The following PPARA variants were observed in gnomAD, a reference collection of about 807,000 sequenced individuals.
The protein encoded by PPARA is peroxisome proliferator-activated receptor alpha.
Under a neutral mutation model 42.2 loss-of-function variants are expected in PPARA, and 22 were observed. That is an observed-to-expected ratio of 0.52 (90% CI 0.37 to 0.74). The LOEUF (loss-of-function observed/expected upper bound fraction) is 0.74. Among genes scored for constraint, PPARA ranks in the 30% least tolerant of loss-of-function variants. The pLI, the probability that PPARA is intolerant of heterozygous loss-of-function variation, is 0.00. For synonymous variants in PPARA, 242 were observed against 239.3 expected (o/e 1.01, Z -0.10); for missense variants, 465 against 608.2 (o/e 0.76, Z 2.48).
chr22:46,235,249 C>G lies in PPARA; in HGVS notation c.1276C>G (p.Leu426Val). Residue 426 changes from leucine (L) to valine (V), a missense_variant, in exon 9 of 9, where the codon CTT becomes GTT. By Grantham distance (32) the Leu-to-Val change is conservative (BLOSUM62 1). Around this residue, in one of 2 missense-constraint regions of PPARA, gnomAD observed 313 missense variants for 469.1 expected, o/e 0.67. Transcript: ENST00000407236. This position sits in a 1 kb window ranked among gnomAD's most constrained non-coding sequence, Gnocchi z 7.0. The stretch of plus-strand genomic sequence containing the variant: ...GGACGATATCTTTCTCTTCCCAAAA[C>G]TTCTTCAAAAAATGGCAGACCTCCG... Reference protein sequence around the residue: ...HPDDIFLFPKLLQKMADLRQL... With the variant: ...HPDDIFLFPKVLQKMADLRQL... 1 of 1,614,116 alleles carries G rather than the reference C, an allele frequency of 6.2e-7. No individual in the cohort carries two copies. Among genetic ancestry groups the G allele is most frequent in the Middle Eastern group, 1.6e-4 (1 of 6,062 alleles).
At position 46,235,414 on chromosome 22, in the gene PPARA, T is replaced by C; in HGVS notation, c.*34T>C. ...AGATCAGCCACACCTTTTCCAGGAGTTCTGAAGCTGACAGCACTACAAAGG... is the reference window on the plus strand; with the variant it reads ...AGATCAGCCACACCTTTTCCAGGAGCTCTGAAGCTGACAGCACTACAAAGG... On this transcript the variant is annotated 3_prime_UTR_variant, in exon 9 of 9. Coordinates refer to ENST00000407236, the MANE Select transcript of PPARA (RefSeq NM_005036.6). The surrounding 1 kb of genome is among the most constrained non-coding windows in gnomAD (Gnocchi z 7.0). 1.2e-6 allele frequency: 2 copies of C among 1,609,502 alleles called. No homozygotes were observed. The highest frequency in any genetic ancestry group is 1.7e-6 in the Non-Finnish European group (2 of 1,178,602).
chr22:46,183,137 C>T lies in PPARA; in HGVS notation c.-43+6301C>T, dbSNP rs946243642. ...TGAAATCCTCATCTGAGGACCCACA[C>T]TCGGGTGCCCCAATGTGGCGGTGCT... On this transcript the variant is annotated intron_variant, in intron 3 of 8. Coordinates refer to ENST00000407236, the MANE Select transcript of PPARA (RefSeq NM_005036.6). The surrounding 1 kb of genome is among the most constrained non-coding windows in gnomAD (Gnocchi z 5.5). Among the ~76,000 whole-genome samples the T allele has an allele frequency of 4.6e-5, 7 of 152,210 alleles. No individual in the cohort carries two copies. The highest frequency in any genetic ancestry group is 4.6e-4 in the Admixed American group (7 of 15,284).
Position 46,190,830 on chromosome 22 carries a change from A to T in PPARA, c.-42-7512A>T, listed in dbSNP as rs1647018351. 6.6e-6 allele frequency among the ~76,000 whole-genome samples: 1 copy of T among 152,226 alleles called. No homozygotes were observed. The highest frequency in any genetic ancestry group is 6.5e-5 in the Admixed American group (1 of 15,278). On this transcript the variant is annotated intron_variant, in intron 3 of 8. Coordinates refer to ENST00000407236, the MANE Select transcript of PPARA (RefSeq NM_005036.6). The surrounding 1 kb of genome is among the most constrained non-coding windows in gnomAD (Gnocchi z 5.6). Reference sequence around the variant, plus strand: ...TCTTGAGTGTCTGATCACATAGAATATAAAGATGTTTTGATAGTTGGGACA... The same window carrying T: ...TCTTGAGTGTCTGATCACATAGAATTTAAAGATGTTTTGATAGTTGGGACA...
In PPARA at chr22:46,242,401, C is replaced by T. The variant is rs1055659; in HGVS notation, c.*7021C>T. ...TTTTAAGGCACAGTCAGTTCCTTTT[C>T]TCATGTACCTCACAAAAGATGAAGA... On this transcript the variant is annotated 3_prime_UTR_variant, in exon 9 of 9. Transcript: ENST00000407236. This position sits in a 1 kb window ranked among gnomAD's most constrained non-coding sequence, Gnocchi z 6.1. 34,277 of 152,528 alleles carry T rather than the reference C, an allele frequency of 0.22. 4,790 individuals carry two copies. Among genetic ancestry groups the T allele is most frequent in the African/African-American group, 0.39 (15,965 of 41,446 alleles). The allele number at this position is 152,528 out of a possible 1,614,324, so 9.4% of individuals were successfully genotyped here.
At chr22:46,205,555 T>TATATATA (rs1491143261) in intron 4 of PPARA, among the ~76,000 whole-genome samples, 1 of 13,396 alleles carries the variant, frequency 7.5e-5, no homozygotes, top group African/African-American at 2.8e-4. Flanking sequence ...TATATATATA[T>TATATATA]TTTTTTTTTT....
Position 46,236,856 on chromosome 22 carries a change from T to C in PPARA, c.*1476T>C, listed in dbSNP as rs779761099. 6.6e-6 allele frequency: 1 copy of C among 152,260 alleles called. No individual in the cohort carries two copies. Among genetic ancestry groups the C allele is most frequent in the Non-Finnish European group, 1.5e-5 (1 of 68,044 alleles). 9.4% of individuals were successfully genotyped at this position (152,260 alleles called of 1,614,324 possible). The stretch of plus-strand genomic sequence containing the variant: ...TTTAGGTTGTTAAGTCTCCTTTGTA[T>C]GTAAGGTAGTTTTTTCAACATCTAA... On this transcript the variant is annotated 3_prime_UTR_variant, in exon 9 of 9. Transcript: ENST00000407236. The surrounding 1 kb of genome is among the most constrained non-coding windows in gnomAD (Gnocchi z 5.2).
chr22:46,226,684 G>C (rs1163059788), intron 7 of PPARA, among the ~76,000 whole-genome samples: 1 of 152,084 alleles, frequency 6.6e-6, no homozygotes, highest in African/African-American at 2.4e-5. Flanking sequence ...AATAAGAAAG[G>C]CCGGCTTGGG....
Position 46,235,632 on chromosome 22 carries a change from A to G in PPARA, c.*252A>G. On this transcript the variant is annotated 3_prime_UTR_variant, in exon 9 of 9. Transcript: ENST00000407236. This position sits in a 1 kb window ranked among gnomAD's most constrained non-coding sequence, Gnocchi z 7.0. ...GGGAAGATTACGGCGAATTATGCTC[A>G]ATGGTCTGATTTTAACTCACCCGAT... 1.9e-6 allele frequency: 1 copy of G among 526,682 alleles called. No homozygotes were observed. The highest frequency in any genetic ancestry group is 3.4e-6 in the Non-Finnish European group (1 of 291,364). 32.6% of individuals were successfully genotyped at this position (526,682 alleles called of 1,614,324 possible). A position where few individuals can be genotyped will look rare whatever the true frequency, so the allele number is the denominator to read the frequency against.
intron 4 of PPARA, among the ~76,000 whole-genome samples, chr22:46,201,276 T>G (rs1260606297): frequency 2.0e-5 from 3 of 152,162 alleles, no homozygotes; most frequent in Non-Finnish European, 4.4e-5. Context: ...GGCAGTGTTC[T>G]CAGCTTAGTC....
In PPARA at chr22:46,163,532, G is replaced by A. The variant is rs1926539577; in HGVS notation, c.-127+11562G>A. 1 of 152,242 alleles carries A rather than the reference G, an allele frequency of 6.6e-6. No homozygotes were observed. Among genetic ancestry groups the A allele is most frequent in the South Asian group, 2.1e-4 (1 of 4,832 alleles). The allele number at this position is 152,242 out of a possible 1,614,324, so 9.4% of individuals were successfully genotyped here. A position where few individuals can be genotyped will look rare whatever the true frequency, so the allele number is the denominator to read the frequency against. Reference sequence around the variant, plus strand: ...ACATAAGCGGGAAGAGCAGGCTCCTGGCTGTGGCGAGCTTGACTCCATTTG... The same window carrying A: ...ACATAAGCGGGAAGAGCAGGCTCCTAGCTGTGGCGAGCTTGACTCCATTTG... On this transcript the variant is annotated intron_variant, in intron 2 of 8. Transcript: ENST00000407236. The surrounding 1 kb of genome is among the most constrained non-coding windows in gnomAD (Gnocchi z 4.9).
Position 46,160,547 on chromosome 22 carries a change from C to T in PPARA, c.-127+8577C>T, listed in dbSNP as rs529534469. On this transcript the variant is annotated intron_variant, in intron 2 of 8. Coordinates refer to ENST00000407236, the MANE Select transcript of PPARA (RefSeq NM_005036.6). The surrounding 1 kb of genome is among the most constrained non-coding windows in gnomAD (Gnocchi z 4.5). ...TCCCGGCCTCATGATCCGCCCTCTG[C>T]AGCCTCCCAAAGTGCTGGGATTACA... 1.2e-4 allele frequency among the ~76,000 whole-genome samples: 18 copies of T among 152,296 alleles called. No homozygotes were observed. The highest frequency in any genetic ancestry group is 4.1e-4 in the African/African-American group (17 of 41,566).
At position 46,163,022 on chromosome 22, in the gene PPARA, C is replaced by T. The variant is rs893475436; in HGVS notation, c.-127+11052C>T. On this transcript the variant is annotated intron_variant, in intron 2 of 8. Coordinates refer to ENST00000407236, the MANE Select transcript of PPARA (RefSeq NM_005036.6). The surrounding 1 kb of genome is among the most constrained non-coding windows in gnomAD (Gnocchi z 4.9). ...TCCCTGCCACTACCAACCACTGCAT[C>T]GCATAACTGGCAGACTCCCAGCTTC... Among the ~76,000 whole-genome samples, 1 of 152,172 alleles carries T rather than the reference C, an allele frequency of 6.6e-6. No homozygotes were observed. Among genetic ancestry groups the T allele is most frequent in the African/African-American group, 2.4e-5 (1 of 41,438 alleles).
rs1447767868 is a variant in PPARA, at chr22:46,171,622, A to T, written c.-126-5131A>T. Reference sequence around the variant, plus strand: ...AAGCAGGTGAGAGCAGGTGGAGCAGACATCAGGATGGGAGCATCCTGACAG... The same window carrying T: ...AAGCAGGTGAGAGCAGGTGGAGCAGTCATCAGGATGGGAGCATCCTGACAG... On this transcript the variant is annotated intron_variant, in intron 2 of 8. Transcript: ENST00000407236. This position sits in a 1 kb window ranked among gnomAD's most constrained non-coding sequence, Gnocchi z 5.0. 2 of 152,986 alleles carry T rather than the reference A, an allele frequency of 1.3e-5. No individual in the cohort carries two copies. Among genetic ancestry groups the T allele is most frequent in the Admixed American group, 1.3e-4 (2 of 15,286 alleles). 9.5% of individuals were successfully genotyped at this position (152,986 alleles called of 1,614,324 possible).
rs1928491024 is a variant in PPARA, at chr22:46,173,954, C to T, written c.-126-2799C>T. Among the ~76,000 whole-genome samples, 1 of 147,886 alleles carries T rather than the reference C, an allele frequency of 6.8e-6. No homozygotes were observed. The highest frequency in any genetic ancestry group is 2.1e-4 in the South Asian group (1 of 4,738). ...GTGCAGTGGCTCATGCCTGTAATCC[C>T]AGCACTTTGGGAGGCCGAGGTGGGT... On this transcript the variant is annotated intron_variant, in intron 2 of 8. Coordinates refer to ENST00000407236, the MANE Select transcript of PPARA (RefSeq NM_005036.6). The surrounding 1 kb of genome is among the most constrained non-coding windows in gnomAD (Gnocchi z 4.3).
At position 46,232,065 on chromosome 22, in the gene PPARA, G is replaced by A. The variant is rs749323438; in HGVS notation, c.985G>A (p.Gly329Arg). 16 of 1,614,208 alleles carry A rather than the reference G, an allele frequency of 9.9e-6. No individual in the cohort carries two copies. The highest frequency in any genetic ancestry group is 1.1e-5 in the Non-Finnish European group (13 of 1,180,038). The change falls in exon 8 of 9, where the codon GGG (glycine) becomes AGG (arginine). Residue 329 changes from glycine to arginine, a missense_variant. Physicochemically the swap from Gly to Arg is moderately radical, Grantham distance 125 (BLOSUM62 -2). Transcript: ENST00000407236. The surrounding 1 kb of genome is among the most constrained non-coding windows in gnomAD (Gnocchi z 5.3). ...GCTGTCTTCTGTGATGAACAAAGACGGGATGCTGGTAGCGTATGGAAATGG... is the reference window on the plus strand; with the variant it reads ...GCTGTCTTCTGTGATGAACAAAGACAGGATGCTGGTAGCGTATGGAAATGG... ...AMLSSVMNKD[G>R]MLVAYGNGFI... is the part of the protein sequence containing the mutation.
chr22:46,218,749 G>A (rs1414184428), intron 6 of PPARA, among the ~76,000 whole-genome samples: 6 of 151,442 alleles, frequency 4.0e-5, no homozygotes, highest in Non-Finnish European at 8.8e-5. Context: ...CAGAAGAATC[G>A]CTTGAACCCG....
At chr22:46,169,342 C>T (rs2147179787) in intron 2 of PPARA, among the ~76,000 whole-genome samples, 1 of 152,136 alleles carries the variant, frequency 6.6e-6, no homozygotes, top group East Asian at 1.9e-4. Context: ...TCACGCCAAT[C>T]TCCTGCTTCA....
intron 4 of PPARA, among the ~76,000 whole-genome samples, chr22:46,207,950 G>T (rs1469533542): frequency 6.6e-6 from 1 of 151,870 alleles, no homozygotes; most frequent in Non-Finnish European, 1.5e-5. Context: ...CTCCCGAAGT[G>T]TTGGGATTAC....
intron 7 of PPARA, among the ~76,000 whole-genome samples, chr22:46,223,416 G>A (rs1178411703): frequency 6.6e-6 from 1 of 152,128 alleles, no homozygotes; most frequent in Non-Finnish European, 1.5e-5. Flanking sequence ...GCTGAGGCAG[G>A]TGGATCACCT....
Sources: allele counts gnomAD v4.1 joint callset (sites outside exome capture counted in the v4.1 genomes callset), GRCh38; gene constraint gnomAD v4.1.1; regional missense constraint gnomAD v4.1.1; non-coding constraint Gnocchi (gnomAD v3.1); transcripts MANE v1.5; gene names NCBI Gene and HGNC (gene_info 2026-07-23, HGNC 2026-07-21).